EYA4: variants seen among roughly 807,000 people sequenced by gnomAD.
EYA4 encodes EYA transcriptional coactivator and phosphatase 4.
EYA4 carries 31 observed loss-of-function variants against 87.9 expected under a neutral mutation model. That is an observed-to-expected ratio of 0.35 (90% CI 0.27 to 0.48). The LOEUF is 0.48. Ranked by LOEUF, EYA4 falls within the 20% of genes least tolerant of loss-of-function variation. The pLI, the probability that EYA4 is intolerant of heterozygous loss-of-function variation, is 0.99. For missense variants in EYA4, 678 were observed against 761.4 expected (o/e 0.89, Z 1.29); for synonymous variants, 263 against 270.6 (o/e 0.97, Z 0.28).
intron 13 of EYA4, among the ~76,000 whole-genome samples, chr6:133,483,444 C>G (rs1173156155): frequency 6.6e-6 from 1 of 151,550 alleles, no homozygotes; most frequent in Non-Finnish European, 1.5e-5. Context: ...ATATATTATC[C>G]CCAATAAAAG....
Position 133,342,597 on chromosome 6 carries a change from A to ATATATATATATATATG in EYA4, c.34-39787_34-39786insTATATATGTATATATA, listed in dbSNP as rs1782875273. Reference sequence around the variant, plus strand: ...GCCATATATATATATATATATATATATATATATAATTCTTTATATTTCTCT... The same window carrying ATATATATATATATATG: ...GCCATATATATATATATATATATATATATATATATATATATGTATATATAATTCTTTATATTTCTCT... On this transcript the variant is annotated intron_variant, in intron 2 of 19. Coordinates refer to ENST00000355286, the MANE Select transcript of EYA4 (RefSeq NM_004100.5). Among the ~76,000 whole-genome samples, 2 of 128,704 alleles carry ATATATATATATATATG rather than the reference A, an allele frequency of 1.6e-5. 1 individual carries two copies. Among genetic ancestry groups the ATATATATATATATATG allele is most frequent in the African/African-American group, 6.1e-5 (2 of 32,584 alleles). 84.4% of individuals were successfully genotyped at this position (128,704 alleles called of 152,430 possible). A position where few individuals can be genotyped will look rare whatever the true frequency, so the allele number is the denominator to read the frequency against.
At chr6:133,273,100 T>TATATATATATATATATAAAC (rs1297417518) in intron 1 of EYA4, among the ~76,000 whole-genome samples, 2 of 132,328 alleles carry the variant, frequency 1.5e-5, no homozygotes, top group African/African-American at 7.3e-5. Flanking sequence ...TATATATGTA[T>TATATATATATATATATAAAC]ATATATATAT....
chr6:133,366,448 G>C (rs1784858540), intron 2 of EYA4, among the ~76,000 whole-genome samples: 1 of 152,158 alleles, frequency 6.6e-6, no homozygotes, highest in Non-Finnish European at 1.5e-5. Context: ...AGTAGTTAAG[G>C]CATGGCACTA....
At position 133,477,832 on chromosome 6, in the gene EYA4, A is replaced by G. The variant is rs112533779; in HGVS notation, c.971-3631A>G. 1.0e-4 allele frequency among the ~76,000 whole-genome samples: 14 copies of G among 134,922 alleles called. No homozygotes were observed. The Admixed American group carries it at 1.0e-3, about 10-fold the overall frequency. 88.5% of individuals were successfully genotyped at this position (134,922 alleles called of 152,430 possible). ...AAGTCAGACACACACACACACACAC[A>G]CGCATATATATATATACACACATAA... On this transcript the variant is annotated intron_variant, in intron 11 of 19. Coordinates refer to ENST00000355286, the MANE Select transcript of EYA4 (RefSeq NM_004100.5).
intron 2 of EYA4, among the ~76,000 whole-genome samples, chr6:133,314,852 G>C (rs1386477481): frequency 6.6e-6 from 1 of 152,142 alleles, no homozygotes; most frequent in Non-Finnish European, 1.5e-5. Context: ...TTAGTAGCTG[G>C]TGGTAGGAAC....
At chr6:133,346,386 C>T (rs1263725554) in intron 2 of EYA4, among the ~76,000 whole-genome samples, 1 of 152,070 alleles carries the variant, frequency 6.6e-6, no homozygotes, top group Non-Finnish European at 1.5e-5. Context: ...AGTAGTCAGA[C>T]GAAGTCGTAT....
chr6:133,263,377 T>C (rs1562220530), intron 1 of EYA4, among the ~76,000 whole-genome samples: 2 of 152,172 alleles, frequency 1.3e-5, no homozygotes, highest in Non-Finnish European at 2.9e-5. Flanking sequence ...TGCCAGGACT[T>C]TCTTGCCATC....
intron 10 of EYA4, 54 bp downstream of exon 10, chr6:133,464,912 A>G (rs1794717556): frequency 8.2e-7 from 1 of 1,222,850 alleles, no homozygotes; most frequent in Admixed American, 1.7e-5. Flanking sequence ...ATTTTTGAAG[A>G]GTACTCTCAG....
intron 1 of EYA4, among the ~76,000 whole-genome samples, chr6:133,251,422 T>G (rs940207786): frequency 6.6e-6 from 1 of 151,958 alleles, no homozygotes; most frequent in African/African-American, 2.4e-5. Flanking sequence ...CTTACAGAAT[T>G]TATCACTTGG....
intron 1 of EYA4, among the ~76,000 whole-genome samples, chr6:133,268,700 TC>T (rs1472417022): frequency 6.6e-6 from 1 of 151,992 alleles, no homozygotes; most frequent in African/African-American, 2.4e-5. Flanking sequence ...GGACCAAGGA[TC>T]AATGGGTCAG....
At chr6:133,316,910 C>T (rs1780671334) in intron 2 of EYA4, among the ~76,000 whole-genome samples, 1 of 152,160 alleles carries the variant, frequency 6.6e-6, no homozygotes, top group South Asian at 2.1e-4. Context: ...GTAGTTTCTT[C>T]CTTTGGCCTG....
chr6:133,423,737 G>C (rs936024090), intron 3 of EYA4, among the ~76,000 whole-genome samples: 3 of 152,154 alleles, frequency 2.0e-5, no homozygotes, highest in Admixed American at 2.0e-4. Flanking sequence ...CGTTACCACA[G>C]TCAAGATAAT....
chr6:133,451,396 A>C (rs992894060), intron 5 of EYA4, among the ~76,000 whole-genome samples: 2 of 152,214 alleles, frequency 1.3e-5, no homozygotes, highest in African/African-American at 4.8e-5. Context: ...ATGCATGCCA[A>C]TTATATGAAA....
chr6:133,322,238 CATT>C (rs549353493), intron 2 of EYA4, among the ~76,000 whole-genome samples: 428 of 152,244 alleles, frequency 2.8e-3, no homozygotes, highest in African/African-American at 9.8e-3. Flanking sequence ...TGACAGAAGA[CATT>C]ATTAGTAGTG....
At chr6:133,274,688 C>T in intron 1 of EYA4, 28 bp from the exon 2 acceptor site, 1 of 1,017,270 alleles carries the variant, frequency 9.8e-7, no homozygotes, top group South Asian at 1.3e-5. Context: ...TAACATTTTT[C>T]CCCTTTGTTT....
intron 3 of EYA4, among the ~76,000 whole-genome samples, chr6:133,426,961 A>G (rs571217499): frequency 2.6e-5 from 4 of 152,128 alleles, no homozygotes; most frequent in Non-Finnish European, 4.4e-5. Context: ...TTTTCTCTCT[A>G]TATATCGGAA....
chr6:133,298,030 T>C (rs920219291), intron 2 of EYA4, among the ~76,000 whole-genome samples: 1 of 152,144 alleles, frequency 6.6e-6, no homozygotes, highest in Non-Finnish European at 1.5e-5. Context: ...TTAGTTGCCT[T>C]TTTTTCTGTA....
intron 2 of EYA4, among the ~76,000 whole-genome samples, chr6:133,352,602 AT>A (rs905296504): frequency 6.6e-6 from 1 of 152,156 alleles, no homozygotes; most frequent in Admixed American, 6.6e-5. Context: ...GTGAGAATAT[AT>A]TTTTTCTTTT....
At chr6:133,292,368 A>G (rs994178098) in intron 2 of EYA4, among the ~76,000 whole-genome samples, 2 of 152,222 alleles carry the variant, frequency 1.3e-5, no homozygotes, top group African/African-American at 4.8e-5. Flanking sequence ...ATGCCAGAGT[A>G]ATTTTTCTTC....
Sources: allele counts gnomAD v4.1 joint callset (sites outside exome capture counted in the v4.1 genomes callset), GRCh38; gene constraint gnomAD v4.1.1; transcripts MANE v1.5; gene names NCBI Gene and HGNC (gene_info 2026-07-23, HGNC 2026-07-21).